The following DMD variants were observed in gnomAD, a reference collection of about 807,000 sequenced individuals.
DMD encodes mutant dystrophin.
DMD carries 63 observed loss-of-function variants against 330.1 expected under a neutral mutation model. The ratio of observed to expected loss-of-function variants is 0.19; its 90% CI spans 0.16 to 0.24. The LOEUF is 0.24. DMD is among the 10% of genes least tolerant of loss of function. The pLI is 1.00. For missense variants in DMD, 3,344 were observed against 2,684.1 expected (o/e 1.25, Z -5.43); for synonymous variants, 1,223 against 959.8 (o/e 1.27, Z -5.07).
chrX:32,471,673 T>C (rs2040644257), intron 22 of DMD, among the ~76,000 whole-genome samples: 1 of 111,918 alleles, frequency 8.9e-6, no homozygotes, highest in Admixed American at 9.5e-5. Context: ...TATGGGAGCA[T>C]GTTCATAAGT....
At chrX:33,306,223 C>T (rs1267128693) in intron 1 of DMD, among the ~76,000 whole-genome samples, 1 of 111,729 alleles carries the variant, frequency 9.0e-6, no homozygotes, top group East Asian at 2.8e-4. Context: ...GTCAATTTAG[C>T]TCCTGCTTGA....
At chrX:31,851,557 A>G (rs1421868915) in intron 48 of DMD, among the ~76,000 whole-genome samples, 1 of 111,836 alleles carries the variant, frequency 8.9e-6, no homozygotes, top group Non-Finnish European at 1.9e-5. Context: ...CAAATGAAAT[A>G]TTACCAAAAC....
chrX:31,704,221 T>TA (rs2084015456), intron 52 of DMD, among the ~76,000 whole-genome samples: 2 of 111,849 alleles, frequency 1.8e-5, no homozygotes, highest in South Asian at 7.5e-4. Context: ...TAGGAACTCT[T>TA]ACAATAGTAC....
At chrX:31,431,876 A>G (rs1171959378) in intron 60 of DMD, among the ~76,000 whole-genome samples, 1 of 107,169 alleles carries the variant, frequency 9.3e-6, no homozygotes, top group African/African-American at 3.4e-5. Context: ...GTGCAGTGGC[A>G]TGATCTCAGC....
intron 1 of DMD, among the ~76,000 whole-genome samples, chrX:33,316,737 G>C (rs976495697): frequency 2.7e-5 from 3 of 110,763 alleles, no homozygotes; most frequent in Non-Finnish European, 5.7e-5. Flanking sequence ...ATATACTAAG[G>C]TCTTCATGTT....
chrX:33,044,157 C>T (rs976052404), intron 1 of DMD, among the ~76,000 whole-genome samples: 12 of 111,841 alleles, frequency 1.1e-4, no homozygotes, highest in African/African-American at 3.6e-4. Flanking sequence ...AGAGCCCAGG[C>T]GCAGTGGCTC....
chrX:32,621,706 G>A (rs1452234133), intron 11 of DMD, among the ~76,000 whole-genome samples: 1 of 110,334 alleles, frequency 9.1e-6, no homozygotes, highest in Non-Finnish European at 1.9e-5. Flanking sequence ...CTGGGTGTGT[G>A]CAAACGGGAT....
At chrX:32,575,995 T>A (rs1252777561) in intron 13 of DMD, among the ~76,000 whole-genome samples, 1 of 112,162 alleles carries the variant, frequency 8.9e-6, no homozygotes, top group African/African-American at 3.2e-5. Flanking sequence ...ATTTATTAAT[T>A]TTAGTGGGAA....
intron 1 of DMD, among the ~76,000 whole-genome samples, chrX:33,026,347 A>AG (rs56214204): frequency 3.3e-5 from 3 of 89,585 alleles, no homozygotes; most frequent in African/African-American, 1.2e-4. Flanking sequence ...AAAAAAAAAA[A>AG]GAAAGAAAAG....
chrX:32,755,643 T>G (rs774536738), intron 7 of DMD, among the ~76,000 whole-genome samples: 1 of 112,310 alleles, frequency 8.9e-6, no homozygotes, highest in Non-Finnish European at 1.9e-5. Context: ...ATTATTTGCT[T>G]GCCAGGTATA....
At chrX:32,039,230 C>T (rs781152321) in intron 44 of DMD, among the ~76,000 whole-genome samples, 1 of 111,135 alleles carries the variant, frequency 9.0e-6, no homozygotes, top group East Asian at 2.8e-4. Context: ...AATTATTATG[C>T]TATGTCACAG....
chrX:31,530,671 A>ATTTTTTTTTTTTTTTTTTTTTAT (rs1176859928), intron 55 of DMD, among the ~76,000 whole-genome samples: 5 of 55,995 alleles, frequency 8.9e-5, no homozygotes, highest in East Asian at 6.2e-4. Context: ...TTTTTTTTTA[A>ATTTTTTTTTTTTTTTTTTTTTAT]TTTTTTTTTT....
At chrX:31,524,870 C>T (rs1351485733) in intron 55 of DMD, among the ~76,000 whole-genome samples, 1 of 112,012 alleles carries the variant, frequency 8.9e-6, no homozygotes, top group Non-Finnish European at 1.9e-5. Flanking sequence ...CTACAGGTTA[C>T]AATTCCCTGA....
At chrX:32,887,681 G>T in intron 2 of DMD, among the ~76,000 whole-genome samples, 1 of 97,372 alleles carries the variant, frequency 1.0e-5, no homozygotes, top group East Asian at 3.4e-4. Flanking sequence ...CCGGAAGGTG[G>T]AGGTTGCTGT....
intron 1 of DMD, among the ~76,000 whole-genome samples, chrX:33,335,286 A>T (rs933553070): frequency 4.6e-5 from 5 of 109,472 alleles, no homozygotes; most frequent in Non-Finnish European, 7.6e-5. Context: ...ACACACACAC[A>T]CCATTATATC....
At chrX:33,056,290 A>G (rs2094516067) in intron 1 of DMD, among the ~76,000 whole-genome samples, 1 of 109,943 alleles carries the variant, frequency 9.1e-6, no homozygotes, top group Non-Finnish European at 1.9e-5. Flanking sequence ...ATGGGCATTA[A>G]CATCCCCACT....
At chrX:33,093,351 C>A (rs918312399) in intron 1 of DMD, among the ~76,000 whole-genome samples, 1 of 112,075 alleles carries the variant, frequency 8.9e-6, no homozygotes, top group Non-Finnish European at 1.9e-5. Context: ...ACTGAGTGTA[C>A]GTCTTCCCCA....
chrX:31,674,668 AG>A (rs1373315581), intron 53 of DMD, among the ~76,000 whole-genome samples: 6 of 112,362 alleles, frequency 5.3e-5, no homozygotes, highest in Middle Eastern at 4.6e-3. Flanking sequence ...AAAAACTGAC[AG>A]GGGAAAAAAT....
chrX:31,436,069 A>G (rs1270047256), intron 60 of DMD, among the ~76,000 whole-genome samples: 2 of 112,068 alleles, frequency 1.8e-5, no homozygotes, highest in Admixed American at 9.5e-5. Context: ...TAGAGGTCTC[A>G]GGAAACTAAA....
Sources: allele counts gnomAD v4.1 joint callset (sites outside exome capture counted in the v4.1 genomes callset), GRCh38; gene constraint gnomAD v4.1.1; transcripts MANE v1.5; gene names NCBI Gene and HGNC (gene_info 2026-07-23, HGNC 2026-07-21).